Variants in PGCKA1 observed in about 807,000 individuals in gnomAD.
PGCKA1 encodes the protein PDCD10 and GCKIII kinases-associated protein 1.
the PGCKA1 span, among the ~76,000 whole-genome samples, chr4:37,573,612 C>T: frequency 6.6e-6 from 1 of 152,334 alleles, no homozygotes; most frequent in Admixed American, 6.5e-5. Context: ...AAACCTCTTT[C>T]TCCAGCACCT....
chr4:37,469,366 G>C, the PGCKA1 span, among the ~76,000 whole-genome samples: 2 of 152,048 alleles, frequency 1.3e-5, no homozygotes, highest in Non-Finnish European at 2.9e-5. Context: ...TGTTCTTTTC[G>C]CAAATGCAGA....
chr4:37,561,220 C>G, the PGCKA1 span, among the ~76,000 whole-genome samples: 1 of 152,180 alleles, frequency 6.6e-6, no homozygotes, highest in Non-Finnish European at 1.5e-5. Context: ...TCCTTCCTCT[C>G]TGAGCATTCT....
At chr4:37,505,967 G>A in the PGCKA1 span, among the ~76,000 whole-genome samples, 238 of 152,278 alleles carry the variant, frequency 1.6e-3, no homozygotes, top group African/African-American at 5.1e-3. Flanking sequence ...CTCATTAATC[G>A]TTATTGGTCT....
chr4:37,464,395 AC>A, the PGCKA1 span, among the ~76,000 whole-genome samples: 3 of 152,166 alleles, frequency 2.0e-5, no homozygotes, highest in Admixed American at 2.0e-4. Flanking sequence ...TGGGACGCTA[AC>A]TACTCCTGGA....
the PGCKA1 span, among the ~76,000 whole-genome samples, chr4:37,469,853 A>G: frequency 3.3e-5 from 5 of 152,216 alleles, no homozygotes; most frequent in Non-Finnish European, 7.3e-5. Context: ...GATGTTCTCC[A>G]TAACTTGACC....
chr4:37,523,385 G>T, the PGCKA1 span, among the ~76,000 whole-genome samples: 4 of 150,088 alleles, frequency 2.7e-5, no homozygotes, highest in Non-Finnish European at 6.0e-5. Context: ...GGTGATTCAG[G>T]ACTTTTTTTT....
the PGCKA1 span, among the ~76,000 whole-genome samples, chr4:37,478,730 CAAAT>C: frequency 6.6e-6 from 1 of 152,196 alleles, no homozygotes; most frequent in Non-Finnish European, 1.5e-5. Context: ...TCTACAAAGA[CAAAT>C]AACTACAAGC....
chr4:37,588,644 G>A, the PGCKA1 span: 52 of 527,596 alleles, frequency 9.9e-5, no homozygotes, highest in Non-Finnish European at 1.6e-4. Context: ...GTCAGTGAAC[G>A]TTTGAGAACT....
At chr4:37,479,125 T>C in the PGCKA1 span, among the ~76,000 whole-genome samples, 1 of 152,220 alleles carries the variant, frequency 6.6e-6, no homozygotes, top group Non-Finnish European at 1.5e-5. Flanking sequence ...GGCTGACTAA[T>C]GGGATATGCC....
At chr4:37,565,692 A>C in the PGCKA1 span, among the ~76,000 whole-genome samples, 2 of 152,156 alleles carry the variant, frequency 1.3e-5, no homozygotes, top group Non-Finnish European at 2.9e-5. Context: ...GTGCTAGAGG[A>C]AGCCCTGGTC....
chr4:37,462,081 T>C, the PGCKA1 span, among the ~76,000 whole-genome samples: 2 of 152,180 alleles, frequency 1.3e-5, no homozygotes, highest in Non-Finnish European at 2.9e-5. Flanking sequence ...GCTTCCCCCA[T>C]TCCTTTTCAT....
chr4:37,502,393 C>T, the PGCKA1 span, among the ~76,000 whole-genome samples: 1 of 152,260 alleles, frequency 6.6e-6, no homozygotes, highest in Admixed American at 6.5e-5. Context: ...GTAGTGTTAG[C>T]ACGTGGGTAG....
chr4:37,528,700 A>T, the PGCKA1 span, among the ~76,000 whole-genome samples: 66 of 152,352 alleles, frequency 4.3e-4, no homozygotes, highest in African/African-American at 1.5e-3. Context: ...CTAGGCAGGA[A>T]TCGTCCCACT....
At chr4:37,532,389 A>T in the PGCKA1 span, among the ~76,000 whole-genome samples, 91 of 152,358 alleles carry the variant, frequency 6.0e-4, no homozygotes, top group African/African-American at 2.0e-3. Flanking sequence ...AATGTGAACC[A>T]GCATTCATGT....
chr4:37,515,052 T>C, the PGCKA1 span, among the ~76,000 whole-genome samples: 1 of 152,304 alleles, frequency 6.6e-6, no homozygotes, highest in African/African-American at 2.4e-5. Flanking sequence ...AATTTGTATG[T>C]GGAAATCCTA....
At chr4:37,534,008 G>A in the PGCKA1 span, among the ~76,000 whole-genome samples, 2 of 152,154 alleles carry the variant, frequency 1.3e-5, no homozygotes, top group Non-Finnish European at 2.9e-5. Context: ...CCCGATCAAA[G>A]TTTTTGGCTT....
chr4:37,557,076 C>G, the PGCKA1 span, among the ~76,000 whole-genome samples: 1,134 of 152,246 alleles, frequency 7.4e-3, 4 homozygotes, highest in Middle Eastern at 0.02. Flanking sequence ...GAATAAGAGC[C>G]TTTCTTGAAA....
chr4:37,553,368 T>TTTACTA, the PGCKA1 span, among the ~76,000 whole-genome samples: 43 of 151,868 alleles, frequency 2.8e-4, no homozygotes, highest in Middle Eastern at 3.4e-3. Context: ...TTGGAGCTGA[T>TTTACTA]AAACTTCTTA....
the PGCKA1 span, among the ~76,000 whole-genome samples, chr4:37,487,001 A>G: frequency 2.6e-5 from 4 of 152,324 alleles, no homozygotes; most frequent in South Asian, 8.3e-4. Context: ...TAGCATGTAT[A>G]AAGTAATCAC....
Sources: gnomAD v4.1 joint callset for allele counts (sites outside exome capture counted in the v4.1 genomes callset) on GRCh38, gnomAD v4.1.1 for gene constraint, MANE v1.5 for transcripts, NCBI Gene and HGNC (gene_info 2026-07-23, HGNC 2026-07-21) for gene names.